ATXN7L1: variants seen among roughly 807,000 people sequenced by gnomAD.
The protein encoded by ATXN7L1 is ataxin 7 like 1, also known as ataxin-7-like protein 1.
Under a neutral mutation model 70.8 loss-of-function variants are expected in ATXN7L1, and 15 were observed. That is an observed-to-expected ratio of 0.21 (90% confidence interval 0.14 to 0.33). The LOEUF is 0.33. Ranked by LOEUF, ATXN7L1 falls within the 10% of genes least tolerant of loss-of-function variation. The pLI is 1.00. For synonymous variants in ATXN7L1, 440 were observed against 445.1 expected, an observed-to-expected ratio of 0.99 and a Z score of 0.14; for missense variants, 975 against 1,097.1, an observed-to-expected ratio of 0.89 and a Z score of 1.57.
intron 8 of ATXN7L1, among the ~76,000 whole-genome samples, chr7:105,622,547 CTG>C (rs1339606525): frequency 6.6e-6 from 1 of 152,230 alleles, no homozygotes; most frequent in Non-Finnish European, 1.5e-5. Context: ...CCACCTCTCT[CTG>C]TCTTTTCCTT....
chr7:105,831,749 G>A (rs556520510), intron 2 of ATXN7L1, among the ~76,000 whole-genome samples: 10 of 152,302 alleles, frequency 6.6e-5, no homozygotes, highest in South Asian at 6.2e-4. Flanking sequence ...GCTGAACACA[G>A]TTAGTGGGTG....
At chr7:105,696,251 T>A (rs1033548069) in intron 3 of ATXN7L1, among the ~76,000 whole-genome samples, 5 of 152,224 alleles carry the variant, frequency 3.3e-5, no homozygotes, top group Non-Finnish European at 7.3e-5. Flanking sequence ...GGGAGGTATA[T>A]GTAGTGCTTC....
intron 2 of ATXN7L1, among the ~76,000 whole-genome samples, chr7:105,803,612 C>T (rs1176730636): frequency 6.6e-6 from 1 of 152,204 alleles, no homozygotes; most frequent in African/African-American, 2.4e-5. Context: ...GCATTGGAAT[C>T]TTTCAGGAGC....
chr7:105,621,936 T>C (rs1795000461), intron 8 of ATXN7L1, among the ~76,000 whole-genome samples: 1 of 152,196 alleles, frequency 6.6e-6, no homozygotes, highest in Non-Finnish European at 1.5e-5. Context: ...TCAAATCTGG[T>C]ACTGCTGATG....
rs139201866 is a variant in ATXN7L1, at chr7:105,721,815, T to C, written c.356-56527A>G. 8.9e-3 allele frequency among the ~76,000 whole-genome samples: 1,358 copies of C among 152,336 alleles called. 10 individuals carry two copies. Among genetic ancestry groups the C allele is most frequent in the Non-Finnish European group, 0.014 (981 of 68,028 alleles). On this transcript the variant is annotated intron_variant, in intron 3 of 11. Transcript: ENST00000419735. ...GCCAGCTCCTCAGCTGGAGACAGCA[T>C]GGCCAGTGGAGGCCTCCTGTGGCTG...
chr7:105,732,983 G>T lies in ATXN7L1; in HGVS notation c.355+55621C>A, dbSNP rs116140899. On this transcript the variant is annotated intron_variant, in intron 3 of 11. Coordinates refer to ENST00000419735, the MANE Select transcript of ATXN7L1 (RefSeq NM_020725.2). ...ATGACACTGTATCAGAGAAACCTTTGTGGTGAAAATAGCAACCCTACATCA... is the reference window on the plus strand; with the variant it reads ...ATGACACTGTATCAGAGAAACCTTTTTGGTGAAAATAGCAACCCTACATCA... 3.0e-3 allele frequency among the ~76,000 whole-genome samples: 450 copies of T among 152,320 alleles called. 7 individuals are homozygous for T. The highest frequency in any genetic ancestry group is 0.01 in the African/African-American group (430 of 41,566).
At chr7:105,620,511 T>C (rs946729522) in intron 8 of ATXN7L1, among the ~76,000 whole-genome samples, 190 bp from the exon 9 acceptor site, 2 of 152,186 alleles carry the variant, frequency 1.3e-5, no homozygotes, top group African/African-American at 4.8e-5. Flanking sequence ...GAACCTCATA[T>C]TACAACTCAA....
At chr7:105,771,807 T>C (rs1204375) in intron 3 of ATXN7L1, among the ~76,000 whole-genome samples, 28,893 of 152,072 alleles carry the variant, frequency 0.19, 3,187 homozygotes, top group East Asian at 0.46. Flanking sequence ...GTTAAAAACG[T>C]AATGGCAATC....
At chr7:105,608,551 G>A (rs1486223451) in intron 11 of ATXN7L1, among the ~76,000 whole-genome samples, 1 of 152,142 alleles carries the variant, frequency 6.6e-6, no homozygotes, top group Admixed American at 6.5e-5. Context: ...GGCACATGCA[G>A]GCTGTGTTTG....
At chr7:105,759,818 T>G (rs910874050) in intron 3 of ATXN7L1, among the ~76,000 whole-genome samples, 1 of 152,128 alleles carries the variant, frequency 6.6e-6, no homozygotes, top group Non-Finnish European at 1.5e-5. Context: ...GCAGCTGGAG[T>G]AATCTTACCA....
intron 7 of ATXN7L1, among the ~76,000 whole-genome samples, chr7:105,631,911 TC>T (rs1340727575): frequency 6.6e-6 from 1 of 152,216 alleles, no homozygotes; most frequent in Non-Finnish European, 1.5e-5. Context: ...GCGGGCCATT[TC>T]TAGTCAGGGC....
At chr7:105,775,786 T>A (rs930916868) in intron 3 of ATXN7L1, among the ~76,000 whole-genome samples, 1 of 152,114 alleles carries the variant, frequency 6.6e-6, no homozygotes, top group Non-Finnish European at 1.5e-5. Context: ...AACATGCAGT[T>A]TTGTTGTTCT....
intron 3 of ATXN7L1, among the ~76,000 whole-genome samples, chr7:105,742,383 C>T (rs919352777): frequency 1.3e-5 from 2 of 152,166 alleles, no homozygotes; most frequent in African/African-American, 2.4e-5. Flanking sequence ...AGGCAATAAC[C>T]CTTACCTCAA....
intron 3 of ATXN7L1, among the ~76,000 whole-genome samples, chr7:105,671,836 G>T (rs150614645): frequency 0.03 from 4,106 of 137,022 alleles, 94 homozygotes; most frequent in East Asian, 0.074. Context: ...GCTGCAGTGA[G>T]CTGAGATTGT....
At chr7:105,733,678 C>CCATA (rs1785270243) in intron 3 of ATXN7L1, among the ~76,000 whole-genome samples, 2 of 4,196 alleles carry the variant, frequency 4.8e-4, no homozygotes, top group African/African-American at 6.5e-4. Flanking sequence ...ATCCATCCAT[C>CCATA]CACCCATCCA....
At chr7:105,621,732 T>TC (rs1794964516) in intron 8 of ATXN7L1, among the ~76,000 whole-genome samples, 1 of 152,078 alleles carries the variant, frequency 6.6e-6, no homozygotes, top group African/African-American at 2.4e-5. Flanking sequence ...AAAGCAGCTC[T>TC]CCCCCTTCCT....
intron 2 of ATXN7L1, among the ~76,000 whole-genome samples, chr7:105,847,767 TG>T (rs1814285003): frequency 6.6e-6 from 1 of 152,228 alleles, no homozygotes; most frequent in South Asian, 2.1e-4. Flanking sequence ...CTAATATATA[TG>T]AAAAGTGCCT....
At chr7:105,684,860 C>A (rs1805965526) in intron 3 of ATXN7L1, among the ~76,000 whole-genome samples, 1 of 152,136 alleles carries the variant, frequency 6.6e-6, no homozygotes, top group Non-Finnish European at 1.5e-5. Context: ...CCATTCAGGG[C>A]AGGTGTCTCA....
intron 2 of ATXN7L1, among the ~76,000 whole-genome samples, chr7:105,835,148 GGTTTTTTTT>G (rs1418345233): frequency 1.2e-5 from 1 of 85,026 alleles, no homozygotes; most frequent in Non-Finnish European, 2.1e-5. Context: ...ATAAGTGTGT[GGTTTTTTTT>G]TTTTTTTTTT....
Sources: allele counts gnomAD v4.1 joint callset (sites outside exome capture counted in the v4.1 genomes callset), GRCh38; gene constraint gnomAD v4.1.1; transcripts MANE v1.5; gene names NCBI Gene and HGNC (gene_info 2026-07-23, HGNC 2026-07-21).